LMLN: variants seen among roughly 807,000 people sequenced by gnomAD.
The protein encoded by LMLN is leishmanolysin-like peptidase.
In LMLN, 70 loss-of-function variants were observed where a neutral mutation model predicts 92.3. The ratio of observed to expected loss-of-function variants is 0.76; its 90% confidence interval spans 0.63 to 0.92. LMLN has a LOEUF of 0.92. Ranked by LOEUF, LMLN falls within the 40% of genes least tolerant of loss-of-function variation. The pLI, the probability that LMLN is intolerant of heterozygous loss-of-function variation, is 0.00. For synonymous variants in LMLN, 308 were observed against 296.2 expected, an observed-to-expected ratio of 1.04 and a Z score of -0.41; for missense variants, 691 against 814.6, an observed-to-expected ratio of 0.85 and a Z score of 1.85.
chr3:197,964,375 G>A (rs1425485098), intron 1 of LMLN, among the ~76,000 whole-genome samples: 3 of 149,914 alleles, frequency 2.0e-5, no homozygotes, highest in Non-Finnish European at 3.0e-5. Flanking sequence ...TATCATTTAG[G>A]TTAAAATTTT....
intron 11 of LMLN, among the ~76,000 whole-genome samples, chr3:198,016,234 C>T (rs1164578821): frequency 6.6e-6 from 1 of 151,204 alleles, no homozygotes; most frequent in African/African-American, 2.4e-5. Flanking sequence ...ATACTATTCT[C>T]ATCTTTTCTC....
At chr3:197,991,028 T>G (rs1442840544) in intron 9 of LMLN, among the ~76,000 whole-genome samples, 1 of 152,086 alleles carries the variant, frequency 6.6e-6, no homozygotes, top group Non-Finnish European at 1.5e-5. Flanking sequence ...TGTGTATATA[T>G]CTATACATCT....
intron 1 of LMLN, among the ~76,000 whole-genome samples, chr3:197,973,164 T>A (rs936975560): frequency 2.0e-5 from 3 of 152,158 alleles, no homozygotes; most frequent in Admixed American, 2.0e-4. Context: ...GACTTTGTAA[T>A]GTGTTATCTG....
chr3:198,036,228 C>A (rs1172380868), intron 15 of LMLN, among the ~76,000 whole-genome samples, 185 bp downstream of exon 16: 1 of 152,190 alleles, frequency 6.6e-6, no homozygotes, highest in Non-Finnish European at 1.5e-5. Flanking sequence ...GTCAACTTGA[C>A]ACTTTTGAGT....
rs1221459087 is a variant in LMLN, at chr3:198,038,481, C to A, written c.1868-86C>A. ...TGGTCCTTGTTTACTTTTTAATAAT[C>A]ACTGCTCTTCATCTGTCAATATTTA... On this transcript the variant is annotated intron_variant, in intron 15 of 15. Transcript: ENST00000330198. The A allele has an allele frequency of 4.2e-6, 4 of 949,086 alleles. No homozygotes were observed. The East Asian group carries it at 9.7e-5, about 23-fold the overall frequency. The allele number at this position is 949,086 out of a possible 1,614,324, so 58.8% of individuals were successfully genotyped here. A position where few individuals can be genotyped will look rare whatever the true frequency, so the allele number is the denominator to read the frequency against.
At chr3:197,976,106 T>G in exon 4 of LMLN, 1 of 1,592,916 alleles carries the variant, frequency 6.3e-7, no homozygotes, top group Non-Finnish European at 8.6e-7. Context: ...CTATCTTACT[T>G]AGCAGGTATG....
At chr3:198,028,308 A>G (rs1435842729) in intron 14 of LMLN, among the ~76,000 whole-genome samples, 1 of 152,160 alleles carries the variant, frequency 6.6e-6, no homozygotes, top group Admixed American at 6.5e-5. Flanking sequence ...ATTAGGGTTC[A>G]CTCTGGGTGT....
intron 7 of LMLN, among the ~76,000 whole-genome samples, chr3:197,985,406 C>CAT (rs1218163297): frequency 6.6e-6 from 1 of 151,534 alleles, no homozygotes; most frequent in Non-Finnish European, 1.5e-5. Context: ...CACACACACA[C>CAT]ACACACACAC....
intron 7 of LMLN, among the ~76,000 whole-genome samples, chr3:197,984,989 G>A (rs1035804062): frequency 3.9e-5 from 6 of 152,042 alleles, no homozygotes; most frequent in African/African-American, 1.2e-4. Flanking sequence ...TTCTGCTGCC[G>A]CTTCTGATAA....
intron 10 of LMLN, 51 bp from the exon 11 acceptor site, chr3:197,999,215 T>C: frequency 7.9e-7 from 1 of 1,261,568 alleles, no homozygotes; most frequent in South Asian, 1.2e-5. Flanking sequence ...GCAGAAAATA[T>C]TAGGAGTTGC....
At chr3:197,972,044 T>C (rs1378586407) in intron 1 of LMLN, among the ~76,000 whole-genome samples, 1 of 148,554 alleles carries the variant, frequency 6.7e-6, no homozygotes, top group Non-Finnish European at 1.5e-5. Context: ...TTCTGCCATC[T>C]CCAATCTTCT....
intron 14 of LMLN, among the ~76,000 whole-genome samples, chr3:198,034,205 C>T (rs992268169): frequency 6.6e-6 from 1 of 152,156 alleles, no homozygotes; most frequent in Non-Finnish European, 1.5e-5. Context: ...GAAGCATGCA[C>T]TGACTTTGAA....
At chr3:198,001,374 T>C (rs1323302698) in intron 11 of LMLN, among the ~76,000 whole-genome samples, 1 of 152,202 alleles carries the variant, frequency 6.6e-6, no homozygotes, top group African/African-American at 2.4e-5. Flanking sequence ...GAAGGTCTCA[T>C]GATGTGTAGC....
At chr3:197,981,865 C>T (rs547224789) in intron 6 of LMLN, among the ~76,000 whole-genome samples, 2 of 149,750 alleles carry the variant, frequency 1.3e-5, no homozygotes, top group East Asian at 2.0e-4. Flanking sequence ...AGTGCAGTGG[C>T]GTGATCTTGG....
intron 6 of LMLN, among the ~76,000 whole-genome samples, chr3:197,982,223 CTTTTTTTTT>C (rs1241377836): frequency 1.7e-5 from 2 of 116,540 alleles, no homozygotes; most frequent in East Asian, 4.7e-4. Flanking sequence ...CAGTTACCTT[CTTTTTTTTT>C]TTTTTTTTTT....
intron 5 of LMLN, among the ~76,000 whole-genome samples, chr3:197,976,953 T>G (rs1160433008): frequency 6.6e-6 from 1 of 152,248 alleles, no homozygotes; most frequent in Non-Finnish European, 1.5e-5. Context: ...GTCTGCTGAA[T>G]CACTTTAGCT....
chr3:197,980,316 G>T lies in LMLN; in HGVS notation c.550-10G>T. On this transcript the variant is annotated splice_polypyrimidine_tract_variant and intron_variant, in intron 5 of 15. Coordinates refer to ENST00000330198, the Ensembl canonical transcript of LMLN. ...CTGTTCTGGCTTTCTGATGTCTCCC[G>T]TGGGTGCAGCAATGCCGGGTCTACC... 6.2e-7 allele frequency: 1 copy of T among 1,608,158 alleles called. No individual in the cohort carries two copies. The highest frequency in any genetic ancestry group is 1.1e-5 in the South Asian group (1 of 90,840).
At chr3:198,015,184 A>G (rs563413593) in intron 11 of LMLN, among the ~76,000 whole-genome samples, 1 of 140,024 alleles carries the variant, frequency 7.1e-6, no homozygotes, top group African/African-American at 2.7e-5. Flanking sequence ...GAGCCCCCTA[A>G]CTAGTCTGAC....
At chr3:198,032,599 T>C (rs566995178) in intron 14 of LMLN, among the ~76,000 whole-genome samples, 1 of 152,172 alleles carries the variant, frequency 6.6e-6, no homozygotes, top group Admixed American at 6.5e-5. Context: ...AAGCTTACAG[T>C]CATGGCGGAA....
Sources: gnomAD v4.1 joint callset for allele counts (sites outside exome capture counted in the v4.1 genomes callset) on GRCh38, gnomAD v4.1.1 for gene constraint, MANE v1.5 for transcripts, NCBI Gene and HGNC (gene_info 2026-07-23, HGNC 2026-07-21) for gene names.